Variants in ADGRV1 observed in about 807,000 individuals in gnomAD.
ADGRV1 encodes the protein G-protein coupled receptor 98.
ADGRV1 carries 359 observed loss-of-function variants against 596.2 expected under a neutral mutation model. The observed-to-expected ratio is 0.60, with a 90% CI of 0.55 to 0.66. The LOEUF (loss-of-function observed/expected upper bound fraction) is 0.66, where lower values mean the gene tolerates loss of function less well. ADGRV1 is among the 30% of genes least tolerant of loss of function. The probability of loss-of-function intolerance (pLI) is 0.00; values close to 1 mark genes in which losing one functional copy is unlikely to be tolerated. For missense variants in ADGRV1, 7,274 were observed against 7,575.6 expected (o/e 0.96, Z 1.48); for synonymous variants, 2,681 against 2,679.2 (o/e 1.00, Z -0.02).
intron 1 of ADGRV1, among the ~76,000 whole-genome samples, chr5:90,595,452 C>T: frequency 1.8e-5 from 1 of 56,850 alleles, no homozygotes; most frequent in South Asian, 8.7e-4. Context: ...CCCCCCACCT[C>T]CTTCCCGGAC....
intron 86 of ADGRV1, among the ~76,000 whole-genome samples, chr5:91,098,968 G>A (rs1791127620): frequency 6.6e-6 from 1 of 152,184 alleles, no homozygotes. Flanking sequence ...GCACAGCTTA[G>A]GGGTTTTCTA....
intron 83 of ADGRV1, among the ~76,000 whole-genome samples, chr5:90,947,071 T>A (rs1776641201): frequency 6.6e-6 from 1 of 152,168 alleles, no homozygotes; most frequent in African/African-American, 2.4e-5. Context: ...ATTATTACAT[T>A]CCCACTAAAT....
At position 90,791,334 on chromosome 5, in the gene ADGRV1, A is replaced by G. The variant is rs1760056336; in HGVS notation, c.14505A>G (p.Pro4835=). 6.4e-7 allele frequency: 1 copy of G among 1,559,786 alleles called. No individual in the cohort carries two copies. Among genetic ancestry groups the G allele is most frequent in the South Asian group, 1.2e-5 (1 of 84,610 alleles). ...DGATYKVDVV[P]IKNQVFLSLG... Reference sequence around the variant, plus strand: ...CCACATATAAAGTGGACGTGGTGCCAATAAAGAATCAGGTTTGTGGCATTT... The same window carrying G: ...CCACATATAAAGTGGACGTGGTGCCGATAAAGAATCAGGTTTGTGGCATTT... The change falls in exon 70 of 90, where the codon CCA becomes CCG. Residue 4835 remains proline (P), a synonymous_variant. Coordinates refer to ENST00000405460, the MANE Select transcript of ADGRV1 (RefSeq NM_032119.4).
intron 84 of ADGRV1, among the ~76,000 whole-genome samples, chr5:90,967,651 A>G (rs1044158567): frequency 2.6e-5 from 4 of 152,184 alleles, no homozygotes; most frequent in African/African-American, 4.8e-5. Flanking sequence ...TGCTTATCAG[A>G]TATGTACGTG....
At chr5:90,961,507 A>AAGGGG (rs1554178779) in intron 83 of ADGRV1, among the ~76,000 whole-genome samples, 1 of 82,024 alleles carries the variant, frequency 1.2e-5, no homozygotes, top group Non-Finnish European at 2.2e-5. Context: ...AAAAAAAAAA[A>AAGGGG]GGGGGGGTGG....
rs752853468 is a variant in ADGRV1, at chr5:90,653,420, A to C, written c.3846A>C (p.Gln1282His). ...LRQQGVFGDV[Q>H]LGWEILSSEF... ...AGCAGGGTGTGTTTGGTGATGTACA[A>C]CTGGGCTGGGAAATACTGTCCAGTG... The change falls in exon 20 of 90, where the codon CAA (glutamine) becomes CAC (histidine). Residue 1282 changes from glutamine (Q) to histidine (H), a missense_variant. By Grantham distance (24) the Gln-to-His change is conservative. Transcript: ENST00000405460. The C allele has an allele frequency of 6.2e-7, 1 of 1,613,944 alleles. No individual in the cohort carries two copies. The highest frequency in any genetic ancestry group is 1.7e-5 in the Admixed American group (1 of 59,992).
In ADGRV1 at chr5:90,653,358, G is replaced by GATA; in HGVS notation, c.3785_3787dup (p.Asp1262_Met1263insAsn). The stretch of plus-strand genomic sequence containing the variant: ...GGCAGAAGATGTCCTGTCTGAAGAT[G>GATA]ATATGTCTTATATTACCAACTTCAC... On this transcript the variant is annotated inframe_insertion, in exon 20 of 90. Coordinates refer to ENST00000405460, the MANE Select transcript of ADGRV1 (RefSeq NM_032119.4). 1 of 1,613,938 alleles carries GATA rather than the reference G, an allele frequency of 6.2e-7. No homozygotes were observed. Among genetic ancestry groups the GATA allele is most frequent in the South Asian group, 1.1e-5 (1 of 91,086 alleles).
At chr5:91,008,179 A>G (rs1782439038) in intron 85 of ADGRV1, among the ~76,000 whole-genome samples, 1 of 152,172 alleles carries the variant, frequency 6.6e-6, no homozygotes, top group African/African-American at 2.4e-5. Context: ...TTTGTAATCC[A>G]GGAACCTATC....
chr5:90,720,280 T>G lies in ADGRV1; in HGVS notation c.9623+57T>G, dbSNP rs1005132664. The G allele has an allele frequency of 7.2e-6, 8 of 1,111,512 alleles. No individual in the cohort carries two copies. In the African/African-American group the frequency reaches 1.3e-4, roughly 17 times the overall value. The allele number at this position is 1,111,512 out of a possible 1,614,324, so 68.9% of individuals were successfully genotyped here. On this transcript the variant is annotated intron_variant, in intron 44 of 89. Transcript: ENST00000405460. Reference sequence around the variant, plus strand: ...CTGAAGCTATAAGTAGGGAATATTTTTTGACATAAGAAAATGCAGAAGGAA... The same window carrying G: ...CTGAAGCTATAAGTAGGGAATATTTGTTGACATAAGAAAATGCAGAAGGAA...
At chr5:90,985,965 G>A (rs1319096320) in intron 85 of ADGRV1, among the ~76,000 whole-genome samples, 1 of 151,966 alleles carries the variant, frequency 6.6e-6, no homozygotes, top group Non-Finnish European at 1.5e-5. Flanking sequence ...TGAATGGAGA[G>A]TGTCTGAAGA....
At chr5:90,803,072 A>G (rs1042857345) in intron 71 of ADGRV1, among the ~76,000 whole-genome samples, 190 bp downstream of exon 71, 4 of 152,114 alleles carry the variant, frequency 2.6e-5, no homozygotes, top group Non-Finnish European at 5.9e-5. Context: ...AACATTCAGT[A>G]GGAAAAAAAG....
chr5:90,771,354 T>C (rs1170298294), intron 59 of ADGRV1, among the ~76,000 whole-genome samples: 3 of 152,200 alleles, frequency 2.0e-5, no homozygotes, highest in Non-Finnish European at 1.5e-5. Flanking sequence ...GCCATGTGAC[T>C]TTAGGAAAAT....
chr5:90,993,488 A>G (rs1331613608), intron 85 of ADGRV1, among the ~76,000 whole-genome samples: 1 of 152,066 alleles, frequency 6.6e-6, no homozygotes, highest in Non-Finnish European at 1.5e-5. Context: ...CTGGTCAGTT[A>G]TTTTATAGAA....
At chr5:90,969,058 TAA>T (rs1778723360) in intron 84 of ADGRV1, among the ~76,000 whole-genome samples, 1 of 138,326 alleles carries the variant, frequency 7.2e-6, no homozygotes, top group East Asian at 2.3e-4. Flanking sequence ...TGCCATATAA[TAA>T]AGTTAGATTA....
intron 35 of ADGRV1, among the ~76,000 whole-genome samples, chr5:90,704,136 G>A (rs1170584050): frequency 6.6e-6 from 1 of 152,088 alleles, no homozygotes; most frequent in African/African-American, 2.4e-5. Flanking sequence ...TTCCAATAGT[G>A]TTACATTGCT....
chr5:90,606,430 G>A lies in ADGRV1; in HGVS notation c.23-8405G>A, dbSNP rs73772406. Among the ~76,000 whole-genome samples the A allele has an allele frequency of 3.4e-3, 524 of 152,304 alleles. 2 individuals are homozygous for A. Among genetic ancestry groups the A allele is most frequent in the African/African-American group, 0.012 (508 of 41,562 alleles). ...GGACAGGTAAAGCTATTCAAGATGG[G>A]CAAGCTCAATGTCCTGCAGGTGTTT... On this transcript the variant is annotated intron_variant, in intron 1 of 89. Transcript: ENST00000405460.
chr5:90,772,811 A>G (rs928882055), intron 59 of ADGRV1, among the ~76,000 whole-genome samples: 3 of 152,208 alleles, frequency 2.0e-5, no homozygotes, highest in Admixed American at 6.5e-5. Context: ...GTAAATAGCC[A>G]TTGTCAGATA....
At chr5:90,624,267 G>A (rs2149365874) in intron 5 of ADGRV1, among the ~76,000 whole-genome samples, 1 of 152,234 alleles carries the variant, frequency 6.6e-6, no homozygotes, top group South Asian at 2.1e-4. Context: ...AGTTTTTCAG[G>A]TACTTAGGAA....
chr5:91,002,827 T>A (rs539213043), intron 85 of ADGRV1, among the ~76,000 whole-genome samples: 1 of 152,324 alleles, frequency 6.6e-6, no homozygotes, highest in South Asian at 2.1e-4. Flanking sequence ...AGCCTAATTT[T>A]AAATGTATGT....
Sources: allele counts gnomAD v4.1 joint callset (sites outside exome capture counted in the v4.1 genomes callset), GRCh38; gene constraint gnomAD v4.1.1; transcripts MANE v1.5; gene names NCBI Gene and HGNC (gene_info 2026-07-23, HGNC 2026-07-21).